Variants in RBFOX1 observed in about 807,000 individuals in gnomAD.
RBFOX1 encodes RNA binding protein fox-1 homolog 1.
RBFOX1 carries 8 observed loss-of-function variants against 57.7 expected under a neutral mutation model. The ratio of observed to expected loss-of-function variants is 0.14; its 90% CI spans 0.08 to 0.25. The LOEUF is 0.25. Among genes scored for constraint, RBFOX1 ranks in the 10% least tolerant of loss-of-function variants. RBFOX1 has a pLI of 1.00. For synonymous variants in RBFOX1, 326 were observed against 222.4 expected, an observed-to-expected ratio of 1.47 and a Z score of -4.15; for missense variants, 611 against 548.5, an observed-to-expected ratio of 1.11 and a Z score of -1.14.
intron 3 of RBFOX1, among the ~76,000 whole-genome samples, chr16:6,971,142 G>C (rs1439030961): frequency 2.0e-5 from 3 of 152,088 alleles, no homozygotes; most frequent in Non-Finnish European, 4.4e-5. Context: ...AATTGAGTGG[G>C]TCTACTAATA....
intron 1 of RBFOX1, among the ~76,000 whole-genome samples, chr16:5,308,670 A>G (rs544937157): frequency 1.2e-4 from 19 of 152,270 alleles, no homozygotes; most frequent in African/African-American, 2.4e-5. Flanking sequence ...GGCCGATAGT[A>G]GTAAGATGAC....
rs115481753 is a variant in RBFOX1, at chr16:6,848,896, C to T, written c.-16+194246C>T. ...TCAGGTGTCAAAGAGGAACAGAAAA[C>T]GATAGTGTTGCAAAGAAAAAGACCA... On this transcript the variant is annotated intron_variant, in intron 3 of 15. Coordinates refer to ENST00000550418, the MANE Select transcript of RBFOX1 (RefSeq NM_018723.4). 3.5e-3 allele frequency among the ~76,000 whole-genome samples: 540 copies of T among 152,190 alleles called. 1 individual carries two copies. Among genetic ancestry groups the T allele is most frequent in the African/African-American group, 0.012 (516 of 41,506 alleles).
At chr16:6,279,327 C>G (rs1023951125) in intron 1 of RBFOX1, among the ~76,000 whole-genome samples, 1 of 152,130 alleles carries the variant, frequency 6.6e-6, no homozygotes, top group Non-Finnish European at 1.5e-5. Flanking sequence ...TTAACTAGCA[C>G]GTACCAAGTG....
At chr16:7,622,989 T>C (rs1411317267) in intron 10 of RBFOX1, among the ~76,000 whole-genome samples, 1 of 152,210 alleles carries the variant, frequency 6.6e-6, no homozygotes, top group African/African-American at 2.4e-5. Context: ...ATTCGGGCTT[T>C]GGGTAAATTT....
intron 4 of RBFOX1, among the ~76,000 whole-genome samples, chr16:5,917,186 A>G (rs941694208): frequency 1.3e-5 from 2 of 151,700 alleles, no homozygotes; most frequent in Non-Finnish European, 2.9e-5. Context: ...GCTGTTTTTC[A>G]CTCCCAGCGC....
chr16:6,396,065 C>CAAAAAAA (rs1165644198), intron 2 of RBFOX1, among the ~76,000 whole-genome samples: 1 of 61,470 alleles, frequency 1.6e-5, no homozygotes, highest in African/African-American at 6.0e-5. Context: ...GACTCCTTCT[C>CAAAAAAA]AAAAAAAAAA....
rs1239272027 is a variant in RBFOX1 at position 6,650,666 on chromosome 16, A to G, written c.-63-3937A>G. Among the ~76,000 whole-genome samples the G allele has an allele frequency of 4.6e-5, 7 of 152,188 alleles. No homozygotes were observed. In the South Asian group the frequency reaches 6.2e-4, roughly 13 times the overall value. ...ATAGGAAAACAGTCTGTTCTACATA[A>G]AACAAGATATTTGCTATACGAGTCT... On this transcript the variant is annotated intron_variant, in intron 2 of 15. Transcript: ENST00000550418.
intron 13 of RBFOX1, among the ~76,000 whole-genome samples, chr16:7,668,277 G>A (rs1050681425): frequency 3.9e-5 from 6 of 152,146 alleles, no homozygotes; most frequent in Admixed American, 6.5e-5. Context: ...AAAGACCTGC[G>A]TGATCCCTGT....
Position 5,439,691 on chromosome 16 carries a change from C to T in RBFOX1, c.220-27525C>T, listed in dbSNP as rs560218372. 9.6e-4 allele frequency among the ~76,000 whole-genome samples: 146 copies of T among 152,116 alleles called. 2 individuals are homozygous for T. The Middle Eastern group carries it at 0.017, about 18-fold the overall frequency. ...CACTCCTGGCCTCAAGTGATTCACC[C>T]GCCTTGACCTCCCAAAGTGCTGGGA... On this transcript the variant is annotated intron_variant, in intron 1 of 2. Coordinates refer to the RBFOX1 transcript ENST00000585867.
intron 3 of RBFOX1, among the ~76,000 whole-genome samples, chr16:5,707,795 G>T (rs2051308513): frequency 6.6e-6 from 1 of 152,190 alleles, no homozygotes; most frequent in Admixed American, 6.5e-5. Context: ...TGGAATACTT[G>T]CTGCTAAGAC....
At chr16:6,614,302 G>C (rs185927560) in intron 2 of RBFOX1, among the ~76,000 whole-genome samples, 18 of 152,288 alleles carry the variant, frequency 1.2e-4, no homozygotes, top group African/African-American at 4.1e-4. Context: ...TCTTACACTG[G>C]ATGGACTTCC....
At chr16:7,233,135 A>G (rs1283098810) in intron 4 of RBFOX1, among the ~76,000 whole-genome samples, 1 of 151,192 alleles carries the variant, frequency 6.6e-6, no homozygotes, top group Non-Finnish European at 1.5e-5. Context: ...TAAAAACCCC[A>G]CTGTACTTAG....
At chr16:6,932,317 A>T (rs1431011097) in intron 3 of RBFOX1, among the ~76,000 whole-genome samples, 1 of 151,950 alleles carries the variant, frequency 6.6e-6, no homozygotes, top group Non-Finnish European at 1.5e-5. Flanking sequence ...CTGTTGGCCA[A>T]GCTGGTCTCA....
intron 4 of RBFOX1, among the ~76,000 whole-genome samples, chr16:7,225,013 T>C (rs1179328699): frequency 6.6e-6 from 1 of 152,206 alleles, no homozygotes; most frequent in East Asian, 1.9e-4. Flanking sequence ...AAGACATTTT[T>C]GTGACATACT....
chr16:7,260,201 C>G (rs2094863099), intron 4 of RBFOX1, among the ~76,000 whole-genome samples: 1 of 152,278 alleles, frequency 6.6e-6, no homozygotes, highest in Middle Eastern at 3.4e-3. Flanking sequence ...GAATCACATG[C>G]TTTTAGCGTA....
At chr16:7,690,230 T>C (rs1048067205) in intron 14 of RBFOX1, among the ~76,000 whole-genome samples, 2 of 152,104 alleles carry the variant, frequency 1.3e-5, no homozygotes, top group African/African-American at 4.8e-5. Context: ...ACTGGCACTC[T>C]CTTAACCTCT....
At position 6,403,179 on chromosome 16, in the gene RBFOX1, C is replaced by T. The variant is rs145642870; in HGVS notation, c.-64+86122C>T. ...ATCACCTGGGAGATTGTTAGAACTA[C>T]AGACTTGCAGGCCTGTATTCAAAAT... On this transcript the variant is annotated intron_variant, in intron 2 of 15. Coordinates refer to ENST00000550418, the MANE Select transcript of RBFOX1 (RefSeq NM_018723.4). Among the ~76,000 whole-genome samples, 4 of 152,102 alleles carry T rather than the reference C, an allele frequency of 2.6e-5. No homozygotes were observed. The East Asian group carries it at 7.8e-4, about 30-fold the overall frequency.
At chr16:7,031,064 C>T (rs529868915) in intron 3 of RBFOX1, among the ~76,000 whole-genome samples, 1 of 152,312 alleles carries the variant, frequency 6.6e-6, no homozygotes, top group African/African-American at 2.4e-5. Flanking sequence ...GATGCTGCTT[C>T]TTCCAAGGAG....
chr16:7,528,282 C>G (rs548575178), intron 5 of RBFOX1, among the ~76,000 whole-genome samples: 1 of 152,198 alleles, frequency 6.6e-6, no homozygotes, highest in African/African-American at 2.4e-5. Flanking sequence ...CTTATTCACA[C>G]CTGTATTTAT....
Sources: gnomAD v4.1 joint callset for allele counts (sites outside exome capture counted in the v4.1 genomes callset) on GRCh38, gnomAD v4.1.1 for gene constraint, MANE v1.5 for transcripts, NCBI Gene and HGNC (gene_info 2026-07-23, HGNC 2026-07-21) for gene names.